CSMD2: variants seen among roughly 807,000 people sequenced by gnomAD.
CSMD2 encodes CUB and sushi domain-containing protein 2.
In CSMD2, 130 loss-of-function variants were observed where a neutral mutation model predicts 398.5. The ratio of observed to expected loss-of-function variants is 0.33; its 90% CI spans 0.28 to 0.38. The LOEUF (loss-of-function observed/expected upper bound fraction) is 0.38, where lower values mean the gene tolerates loss of function less well. Among genes scored for constraint, CSMD2 ranks in the 10% least tolerant of loss-of-function variants. The probability of loss-of-function intolerance (pLI) is 1.00; values close to 1 mark genes in which losing one functional copy is unlikely to be tolerated. For synonymous variants in CSMD2, 1,828 were observed against 1,908.5 expected, an observed-to-expected ratio of 0.96 and a Z score of 1.10; for missense variants, 3,829 against 4,764.9, an observed-to-expected ratio of 0.80 and a Z score of 5.78.
intron 4 of CSMD2, among the ~76,000 whole-genome samples, chr1:33,921,206 G>A (rs1014189157): frequency 6.6e-6 from 1 of 152,184 alleles, no homozygotes; most frequent in African/African-American, 2.4e-5. Context: ...GGAAGGGAGG[G>A]AAGGTAGGCA....
At chr1:34,154,733 T>C (rs1640646896) in intron 1 of CSMD2, among the ~76,000 whole-genome samples, 1 of 150,460 alleles carries the variant, frequency 6.6e-6, no homozygotes, top group Admixed American at 6.6e-5. Context: ...CAGGCTTTTT[T>C]TTTTTTTTTT....
intron 3 of CSMD2, among the ~76,000 whole-genome samples, chr1:34,005,948 TCATCCAC>T (rs1289849874): frequency 6.6e-6 from 1 of 152,232 alleles, no homozygotes; most frequent in Non-Finnish European, 1.5e-5. Context: ...ACTATTTTGC[TCATCCAC>T]CCCCATGCAG....
At chr1:34,148,877 T>G (rs538727603) in intron 1 of CSMD2, among the ~76,000 whole-genome samples, 3 of 152,264 alleles carry the variant, frequency 2.0e-5, no homozygotes, top group African/African-American at 7.2e-5. Flanking sequence ...AAAATTTAGG[T>G]GCAGTAGGTG....
intron 14 of CSMD2, among the ~76,000 whole-genome samples, chr1:33,741,018 G>T (rs1311901245): frequency 1.3e-5 from 2 of 152,168 alleles, no homozygotes; most frequent in African/African-American, 4.8e-5. Flanking sequence ...GAGGCTTCCA[G>T]TGATGACTGT....
intron 48 of CSMD2, among the ~76,000 whole-genome samples, chr1:33,579,163 T>A (rs1481696229): frequency 6.6e-6 from 1 of 152,212 alleles, no homozygotes; most frequent in Non-Finnish European, 1.5e-5. Context: ...GGTAACTCCT[T>A]AATAACGTTC....
At chr1:33,881,000 C>T (rs550340512) in intron 5 of CSMD2, among the ~76,000 whole-genome samples, 6 of 152,118 alleles carry the variant, frequency 3.9e-5, no homozygotes, top group South Asian at 4.1e-4. Flanking sequence ...ATTTATGATG[C>T]CCAGGCACTG....
rs565580761 is a variant in CSMD2, at chr1:33,911,055, G to A, written c.920+7039C>T. On this transcript the variant is annotated intron_variant, in intron 5 of 70. Coordinates refer to ENST00000373381, the MANE Select transcript of CSMD2 (RefSeq NM_001281956.2). ...TAATTATATTCTGCCTCTTTGCCCCGACTGTGAGCTTCAGGGTCCAGCACA... is the reference window on the plus strand; with the variant it reads ...TAATTATATTCTGCCTCTTTGCCCCAACTGTGAGCTTCAGGGTCCAGCACA... 9.2e-5 allele frequency among the ~76,000 whole-genome samples: 14 copies of A among 152,216 alleles called. No individual in the cohort carries two copies. The South Asian group carries it at 2.5e-3, about 27-fold the overall frequency.
chr1:33,675,967 T>C (rs1438536796), intron 25 of CSMD2, among the ~76,000 whole-genome samples: 1 of 152,162 alleles, frequency 6.6e-6, no homozygotes, highest in Non-Finnish European at 1.5e-5. Context: ...CTCAAAATAA[T>C]AAGAGCTATT....
At chr1:33,598,377 C>G (rs1639976261) in intron 44 of CSMD2, among the ~76,000 whole-genome samples, 1 of 152,228 alleles carries the variant, frequency 6.6e-6, no homozygotes, top group Non-Finnish European at 1.5e-5. Context: ...AGTTCCTCCT[C>G]TCTTGCCCCA....
chr1:33,804,633 G>T, intron 10 of CSMD2: 5 of 703,174 alleles, frequency 7.1e-6, no homozygotes, highest in South Asian at 6.1e-5. Flanking sequence ...ATCAATGAAT[G>T]AATGAATGCT....
chr1:33,663,480 A>G (rs998899645), intron 25 of CSMD2, among the ~76,000 whole-genome samples: 3 of 151,838 alleles, frequency 2.0e-5, no homozygotes, highest in African/African-American at 7.3e-5. Context: ...TGGCTTGGAC[A>G]AAGGATATAG....
At chr1:33,852,266 G>A (rs1638764706) in intron 5 of CSMD2, among the ~76,000 whole-genome samples, 1 of 152,192 alleles carries the variant, frequency 6.6e-6, no homozygotes, top group African/African-American at 2.4e-5. Context: ...CTCTGCCTCT[G>A]ATCGATCTTC....
At chr1:33,910,239 G>A (rs1472051111) in intron 5 of CSMD2, among the ~76,000 whole-genome samples, 2 of 152,270 alleles carry the variant, frequency 1.3e-5, no homozygotes, top group East Asian at 3.9e-4. Context: ...CAAGGGGCAG[G>A]GTTCTTGCTC....
intron 51 of CSMD2, among the ~76,000 whole-genome samples, chr1:33,570,127 G>A (rs1316036117): frequency 2.7e-5 from 4 of 150,708 alleles, no homozygotes; most frequent in African/African-American, 9.7e-5. Flanking sequence ...CTGCACCACA[G>A]TGTGCAAAGA....
At chr1:33,579,988 T>A (rs1447875439) in intron 48 of CSMD2, among the ~76,000 whole-genome samples, 1 of 152,152 alleles carries the variant, frequency 6.6e-6, no homozygotes, top group Non-Finnish European at 1.5e-5. Context: ...CCCCAACCAA[T>A]ATTCTTTAGA....
chr1:33,649,464 C>T lies in CSMD2; in HGVS notation c.4587-2629G>A, dbSNP rs141151864. On this transcript the variant is annotated intron_variant, in intron 28 of 70. Coordinates refer to ENST00000373381, the MANE Select transcript of CSMD2 (RefSeq NM_001281956.2). ...TTTGAGACCAGCCTGGCCAAAATGG[C>T]GAAACCCTGTCTCTACTAAAAATAC... is the stretch of plus-strand genomic sequence containing the variant. 8.2e-3 allele frequency among the ~76,000 whole-genome samples: 1,241 copies of T among 152,188 alleles called. 18 individuals carry two copies. The highest frequency in any genetic ancestry group is 0.028 in the African/African-American group (1,163 of 41,526).
At chr1:34,054,719 G>A (rs916688316) in intron 2 of CSMD2, among the ~76,000 whole-genome samples, 25 of 152,090 alleles carry the variant, frequency 1.6e-4, no homozygotes, top group Admixed American at 3.3e-4. Flanking sequence ...TAGGCTGGGC[G>A]ACAGAGCGAG....
chr1:34,160,000 A>G (rs963907117), intron 1 of CSMD2, among the ~76,000 whole-genome samples: 2 of 152,244 alleles, frequency 1.3e-5, no homozygotes, highest in African/African-American at 4.8e-5. Context: ...CCTGAAGATC[A>G]GCTGGGTCTC....
intron 9 of CSMD2, among the ~76,000 whole-genome samples, chr1:33,811,573 T>C (rs10798994): frequency 0.12 from 17,615 of 152,238 alleles, 1,219 homozygotes; most frequent in East Asian, 0.26. Context: ...TCCCTGAAAC[T>C]GGCTTTTGAC....
Sources: gnomAD v4.1 joint callset for allele counts (sites outside exome capture counted in the v4.1 genomes callset) on GRCh38, gnomAD v4.1.1 for gene constraint, MANE v1.5 for transcripts, NCBI Gene and HGNC (gene_info 2026-07-23, HGNC 2026-07-21) for gene names.